RAD50: variants seen among roughly 807,000 people sequenced by gnomAD.
The protein encoded by RAD50 is RAD50 double strand break repair protein, also known as DNA repair protein RAD50.
RAD50 carries 132 observed loss-of-function variants against 168.8 expected under a neutral mutation model. That is an observed-to-expected ratio of 0.78 (90% CI 0.68 to 0.90). The LOEUF (loss-of-function observed/expected upper bound fraction) is 0.90. Ranked by LOEUF, RAD50 falls within the 40% of genes least tolerant of loss-of-function variation. RAD50 has a pLI of 0.00. For synonymous variants in RAD50, 525 were observed against 497.4 expected, an observed-to-expected ratio of 1.06 and a Z score of -0.74; for missense variants, 1,347 against 1,534.4, an observed-to-expected ratio of 0.88 and a Z score of 2.04.
At chr5:132,605,698 C>A (rs974457247) in intron 16 of RAD50, among the ~76,000 whole-genome samples, 2 of 152,116 alleles carry the variant, frequency 1.3e-5, no homozygotes, top group African/African-American at 4.8e-5. Flanking sequence ...CACCTCATCG[C>A]ACTTATTCTA....
In RAD50 at chr5:132,642,483, G is replaced by A; in HGVS notation, c.*119G>A. On this transcript the variant is annotated 3_prime_UTR_variant, in exon 25 of 25. Coordinates refer to ENST00000378823, the MANE Select transcript of RAD50 (RefSeq NM_005732.4). Reference sequence around the variant, plus strand: ...ATATATTCTTTCAAAGGAACATTGTGTCTAGGATTTTGGATGTTGAGAGGT... The same window carrying A: ...ATATATTCTTTCAAAGGAACATTGTATCTAGGATTTTGGATGTTGAGAGGT... 3.0e-6 allele frequency: 3 copies of A among 1,012,582 alleles called. No individual in the cohort carries two copies. The highest frequency in any genetic ancestry group is 1.6e-5 in the South Asian group (1 of 61,438). The allele number at this position is 1,012,582 out of a possible 1,614,324, so 62.7% of individuals were successfully genotyped here. A position where few individuals can be genotyped will look rare whatever the true frequency, so the allele number is the denominator to read the frequency against.
In RAD50 at chr5:132,643,144, T is replaced by C; in HGVS notation, c.*780T>C. On this transcript the variant is annotated 3_prime_UTR_variant, in exon 25 of 25. Coordinates refer to ENST00000378823, the MANE Select transcript of RAD50 (RefSeq NM_005732.4). ...GTAACACTCCTCTGCGTCTATCCTG[T>C]GTAGCATACTGGCTTCACCATCAAT... 4.1e-6 allele frequency: 2 copies of C among 492,418 alleles called. No homozygotes were observed. The highest frequency in any genetic ancestry group is 8.4e-6 in the Non-Finnish European group (2 of 236,776). The allele number at this position is 492,418 out of a possible 1,614,324, so 30.5% of individuals were successfully genotyped here.
At chr5:132,609,487 C>G in intron 19 of RAD50, 91 bp downstream of exon 19, 1 of 1,547,350 alleles carries the variant, frequency 6.5e-7, no homozygotes, top group Non-Finnish European at 8.8e-7. Context: ...AATAGAAATG[C>G]AAAAAGGAAA....
intron 2 of RAD50, among the ~76,000 whole-genome samples, chr5:132,569,980 G>C (rs746295182): frequency 6.6e-6 from 1 of 152,128 alleles, no homozygotes; most frequent in Non-Finnish European, 1.5e-5. Context: ...TGCTTAGAGA[G>C]ATACGGTAGA....
Position 132,603,923 on chromosome 5 carries a change from G to T in RAD50, c.2401G>T (p.Glu801Ter). 1 of 1,597,356 alleles carries T rather than the reference G, an allele frequency of 6.3e-7. No homozygotes were observed. The highest frequency in any genetic ancestry group is 1.1e-5 in the South Asian group (1 of 90,498). Reference sequence around the variant, plus strand: ...ATCATTTTGTTATATTCTTAAGATGGAACTTAAAGATGTTGAAAGAAAAAT... The same window carrying T: ...ATCATTTTGTTATATTCTTAAGATGTAACTTAAAGATGTTGAAAGAAAAAT... Reference protein sequence around the residue: ...DVTIMERFQMELKDVERKIAQ... With the variant: ...DVTIMERFQM The change falls in exon 15 of 25, where the codon GAA (glutamate) becomes TAA (stop). Residue 801 changes from glutamate (E) to a stop codon, truncating the protein, a stop_gained. Coordinates refer to ENST00000378823, the MANE Select transcript of RAD50 (RefSeq NM_005732.4). LOFTEE classifies it high-confidence loss of function.
chr5:132,568,553 G>A (rs771707414), intron 2 of RAD50, among the ~76,000 whole-genome samples: 7 of 152,084 alleles, frequency 4.6e-5, no homozygotes, highest in Non-Finnish European at 1.0e-4. Flanking sequence ...CATTCAAATT[G>A]TTCAAAACTA....
chr5:132,613,364 A>G (rs865901536), intron 19 of RAD50, among the ~76,000 whole-genome samples: 26 of 152,072 alleles, frequency 1.7e-4, no homozygotes, highest in African/African-American at 6.3e-4. Flanking sequence ...GTAGAACTGG[A>G]CCCTACACTA....
intron 3 of RAD50, among the ~76,000 whole-genome samples, chr5:132,576,520 A>G (rs977517604): frequency 7.9e-5 from 12 of 152,308 alleles, no homozygotes; most frequent in Admixed American, 4.6e-4. Flanking sequence ...CTTTTATTTA[A>G]CTAGCTAAGT....
chr5:132,614,962 T>C (rs1052072172), intron 19 of RAD50, among the ~76,000 whole-genome samples: 43 of 152,202 alleles, frequency 2.8e-4, no homozygotes, highest in African/African-American at 9.9e-4. Context: ...GTGCAAGATA[T>C]TGCCACAGGT....
intron 2 of RAD50, among the ~76,000 whole-genome samples, chr5:132,563,090 T>C (rs1278966342): frequency 1.3e-5 from 2 of 152,232 alleles, no homozygotes; most frequent in Non-Finnish European, 2.9e-5. Context: ...TTTATGAATT[T>C]TGTTGTAAGT....
Position 132,557,011 on chromosome 5 carries a change from T to A in RAD50, c.-314T>A. The A allele has an allele frequency of 4.0e-6, 3 of 740,834 alleles. No homozygotes were observed. Among genetic ancestry groups the A allele is most frequent in the Non-Finnish European group, 6.0e-6 (3 of 500,620 alleles). The allele number at this position is 740,834 out of a possible 1,614,324, so 45.9% of individuals were successfully genotyped here. ...GCAGGGCGGCCGAGGCAGGAAGCTGTGAGTGCGCGGTTGCGGGGTCGCATT... is the reference window on the plus strand; with the variant it reads ...GCAGGGCGGCCGAGGCAGGAAGCTGAGAGTGCGCGGTTGCGGGGTCGCATT... On this transcript the variant is annotated 5_prime_UTR_variant, in exon 1 of 25. Transcript: ENST00000378823.
At chr5:132,597,111 T>C (rs1750804887) in intron 13 of RAD50, among the ~76,000 whole-genome samples, 1 of 152,062 alleles carries the variant, frequency 6.6e-6, no homozygotes, top group Non-Finnish European at 1.5e-5. Context: ...TTAGGAAAAT[T>C]AATCTAATAT....
Position 132,642,038 on chromosome 5 carries a change from C to T in RAD50, c.3753-140C>T, listed in dbSNP as rs1425144213. On this transcript the variant is annotated intron_variant, in intron 24 of 24. Coordinates refer to ENST00000378823, the MANE Select transcript of RAD50 (RefSeq NM_005732.4). ...TGGCTGGCCTGAAGGCCTGGGGCCACCCCTCCACTTCCTGCAGGGTAGCTG... is the reference window on the plus strand; with the variant it reads ...TGGCTGGCCTGAAGGCCTGGGGCCATCCCTCCACTTCCTGCAGGGTAGCTG... 12 of 876,692 alleles carry T rather than the reference C, an allele frequency of 1.4e-5. No individual in the cohort carries two copies. The East Asian group carries it at 2.9e-4, about 21-fold the overall frequency. The allele number at this position is 876,692 out of a possible 1,614,324, so 54.3% of individuals were successfully genotyped here. A position where few individuals can be genotyped will look rare whatever the true frequency, so the allele number is the denominator to read the frequency against.
intron 23 of RAD50, among the ~76,000 whole-genome samples, chr5:132,640,325 C>T (rs1386234738): frequency 6.6e-6 from 1 of 152,204 alleles, no homozygotes; most frequent in African/African-American, 2.4e-5. Context: ...TAAGGTTGCT[C>T]ATCTTACAGG....
At chr5:132,631,331 G>A (rs1025309742) in intron 21 of RAD50, among the ~76,000 whole-genome samples, 1 of 151,990 alleles carries the variant, frequency 6.6e-6, no homozygotes, top group Admixed American at 6.6e-5. Flanking sequence ...TGTTGGCCAG[G>A]GTGGTCTCTA....
chr5:132,563,212 G>A (rs942784860), intron 2 of RAD50, among the ~76,000 whole-genome samples: 6 of 152,200 alleles, frequency 3.9e-5, no homozygotes, highest in African/African-American at 1.4e-4. Flanking sequence ...TTTGTAGACT[G>A]TTGGGAATGA....
intron 16 of RAD50, among the ~76,000 whole-genome samples, chr5:132,607,123 T>G (rs1360966019): frequency 6.6e-6 from 1 of 152,258 alleles, no homozygotes; most frequent in Non-Finnish European, 1.5e-5. Context: ...ATAGAACTTG[T>G]ACTAGTAAGT....
At chr5:132,603,828 T>C (rs1750930792) in intron 14 of RAD50, 92 bp from the exon 15 acceptor site, 2 of 1,223,940 alleles carry the variant, frequency 1.6e-6, no homozygotes. Context: ...AAGTTTAGAT[T>C]TAAAAAATAA....
At chr5:132,595,120 G>T in intron 12 of RAD50, 76 bp downstream of exon 12, 2 of 1,474,312 alleles carry the variant, frequency 1.4e-6, no homozygotes, top group East Asian at 2.3e-5. Context: ...GTTAAGGATG[G>T]GGAATTTAAA....
Sources: allele counts gnomAD v4.1 joint callset (sites outside exome capture counted in the v4.1 genomes callset), GRCh38; gene constraint gnomAD v4.1.1; transcripts MANE v1.5; gene names NCBI Gene and HGNC (gene_info 2026-07-23, HGNC 2026-07-21).